FHIT: variants seen among roughly 807,000 people sequenced by gnomAD.
FHIT encodes the protein fragile histidine triad diadenosine triphosphatase, also known as bis(5'-adenosyl)-triphosphatase.
In FHIT, 19 loss-of-function variants were observed where a neutral mutation model predicts 17.9. The ratio of observed to expected loss-of-function variants is 1.06; its 90% CI spans 0.74 to 1.56. FHIT has a LOEUF of 1.56. FHIT is among the 40% of genes most tolerant of loss of function. The pLI is 0.00. For missense variants in FHIT, 248 were observed against 189.2 expected (o/e 1.31, Z -1.82); for synonymous variants, 81 against 69.7 (o/e 1.16, Z -0.81).
intron 4 of FHIT, among the ~76,000 whole-genome samples, chr3:60,622,919 A>T (rs2039175171): frequency 6.6e-6 from 1 of 152,232 alleles, no homozygotes; most frequent in African/African-American, 2.4e-5. Context: ...CCAACCAGGC[A>T]GGGATCCAAC....
intron 8 of FHIT, among the ~76,000 whole-genome samples, chr3:59,844,514 T>C (rs1249602084): frequency 6.6e-6 from 1 of 152,110 alleles, no homozygotes; most frequent in Non-Finnish European, 1.5e-5. Flanking sequence ...TGTCTGTGTG[T>C]GTGTGTTTAA....
intron 5 of FHIT, among the ~76,000 whole-genome samples, chr3:60,113,359 G>C (rs1212653264): frequency 1.3e-5 from 2 of 150,360 alleles, no homozygotes; most frequent in Admixed American, 1.3e-4. Context: ...CCAATAAAAT[G>C]CTTATGTTCT....
chr3:60,627,185 A>G (rs1358051265), intron 4 of FHIT, among the ~76,000 whole-genome samples: 2 of 152,102 alleles, frequency 1.3e-5, no homozygotes, highest in African/African-American at 4.8e-5. Flanking sequence ...ACAGGATGCT[A>G]TTGGCCTCAT....
At chr3:60,156,733 G>A (rs1700714528) in intron 5 of FHIT, among the ~76,000 whole-genome samples, 1 of 152,112 alleles carries the variant, frequency 6.6e-6, no homozygotes, top group African/African-American at 2.4e-5. Context: ...CCTGGGCAAT[G>A]GAGTGAGACC....
intron 5 of FHIT, among the ~76,000 whole-genome samples, chr3:60,459,358 AT>A (rs1474241696): frequency 1.3e-5 from 2 of 152,194 alleles, no homozygotes; most frequent in Non-Finnish European, 2.9e-5. Context: ...AAGTAAATAA[AT>A]GTCAAAGATC....
rs116813477 is a variant in FHIT at position 60,215,996 on chromosome 3, C to T, written c.104-201844G>A. 6.2e-3 allele frequency among the ~76,000 whole-genome samples: 944 copies of T among 152,202 alleles called. 9 individuals carry two copies. The highest frequency in any genetic ancestry group is 0.021 in the African/African-American group (867 of 41,506). ...TCCAAGTATTTGGCACATGTAATTA[C>T]AGTAAAATGAACACACCCCATATCA... On this transcript the variant is annotated intron_variant, in intron 5 of 9. Transcript: ENST00000492590.
At chr3:60,520,805 G>A (rs2035330033) in intron 5 of FHIT, among the ~76,000 whole-genome samples, 1 of 152,034 alleles carries the variant, frequency 6.6e-6, no homozygotes, top group South Asian at 2.1e-4. Context: ...CCCCCTGAGG[G>A]TTTAATTTAA....
At chr3:60,949,278 G>C (rs1057061851) in intron 3 of FHIT, among the ~76,000 whole-genome samples, 1 of 152,144 alleles carries the variant, frequency 6.6e-6, no homozygotes, top group Non-Finnish European at 1.5e-5. Context: ...CTCTCCTGGA[G>C]GCCAAACTTC....
intron 5 of FHIT, among the ~76,000 whole-genome samples, chr3:60,303,521 A>G (rs377009758): frequency 1.3e-5 from 2 of 152,228 alleles, no homozygotes; most frequent in East Asian, 1.9e-4. Context: ...CCCATGGAAG[A>G]CCATTTCCAG....
intron 5 of FHIT, among the ~76,000 whole-genome samples, chr3:60,527,381 T>G (rs1381813839): frequency 6.6e-6 from 1 of 152,232 alleles, no homozygotes; most frequent in Non-Finnish European, 1.5e-5. Flanking sequence ...ACTTTTAAAG[T>G]ATTAGCACGT....
At chr3:60,234,671 A>C (rs1047044791) in intron 5 of FHIT, among the ~76,000 whole-genome samples, 11 of 152,214 alleles carry the variant, frequency 7.2e-5, no homozygotes, top group African/African-American at 2.7e-4. Context: ...CTGGCTGCTG[A>C]AAGAATTGAT....
intron 5 of FHIT, among the ~76,000 whole-genome samples, chr3:60,160,124 A>ATG (rs10565469): frequency 0.011 from 1,643 of 151,014 alleles, 16 homozygotes; most frequent in Non-Finnish European, 0.016. Flanking sequence ...TTCTGTGCTT[A>ATG]TGTGTGTGTG....
chr3:61,112,825 C>G (rs537033345), intron 2 of FHIT, among the ~76,000 whole-genome samples: 4 of 152,236 alleles, frequency 2.6e-5, no homozygotes, highest in African/African-American at 7.2e-5. Flanking sequence ...AACAGACTAA[C>G]GGTCAAGAGG....
intron 8 of FHIT, among the ~76,000 whole-genome samples, chr3:59,821,179 C>A (rs1008450189): frequency 1.3e-5 from 2 of 151,988 alleles, no homozygotes; most frequent in African/African-American, 4.8e-5. Flanking sequence ...AACATAGAGG[C>A]AAGATATTTG....
intron 7 of FHIT, among the ~76,000 whole-genome samples, chr3:59,944,872 G>A (rs1406351093): frequency 6.6e-6 from 1 of 152,046 alleles, no homozygotes; most frequent in Non-Finnish European, 1.5e-5. Context: ...CTTTTTTGTG[G>A]CTGCATAGTA....
At chr3:61,083,503 T>C (rs2035210606) in intron 2 of FHIT, among the ~76,000 whole-genome samples, 1 of 152,116 alleles carries the variant, frequency 6.6e-6, no homozygotes, top group South Asian at 2.1e-4. Flanking sequence ...GGCAGGAGAA[T>C]GGCGTGAACC....
chr3:61,225,750 C>T (rs2039954586), intron 1 of FHIT, among the ~76,000 whole-genome samples: 1 of 152,190 alleles, frequency 6.6e-6, no homozygotes, highest in African/African-American at 2.4e-5. Flanking sequence ...CAAAATATAA[C>T]GAAGTCATGA....
chr3:59,946,703 T>C (rs989682273), intron 7 of FHIT, among the ~76,000 whole-genome samples: 8 of 152,204 alleles, frequency 5.3e-5, no homozygotes, highest in Non-Finnish European at 8.8e-5. Flanking sequence ...GCCTAGTTTG[T>C]TGAGGATTTT....
chr3:60,728,192 G>C (rs2041956519), intron 4 of FHIT, among the ~76,000 whole-genome samples: 1 of 152,126 alleles, frequency 6.6e-6, no homozygotes, highest in Admixed American at 6.5e-5. Flanking sequence ...ACATTTCTCA[G>C]TGTTGACCAC....
Sources: allele counts gnomAD v4.1 joint callset (sites outside exome capture counted in the v4.1 genomes callset), GRCh38; gene constraint gnomAD v4.1.1; transcripts MANE v1.5; gene names NCBI Gene and HGNC (gene_info 2026-07-23, HGNC 2026-07-21).